The following RPN2 variants were observed in gnomAD, a reference collection of about 807,000 sequenced individuals.
RPN2 encodes the protein ribophorin II.
Under a neutral mutation model 71.4 loss-of-function variants are expected in RPN2, and 29 were observed. That is an observed-to-expected ratio of 0.41 (90% CI 0.30 to 0.55). The LOEUF (loss-of-function observed/expected upper bound fraction) is 0.55, where lower values mean the gene tolerates loss of function less well. Among genes scored for constraint, RPN2 ranks in the 20% least tolerant of loss-of-function variants. The probability of loss-of-function intolerance (pLI) is 0.35; values close to 1 mark genes in which losing one functional copy is unlikely to be tolerated. For missense variants in RPN2, 726 were observed against 774.1 expected, an observed-to-expected ratio of 0.94 and a Z score of 0.74; for synonymous variants, 308 against 305.0, an observed-to-expected ratio of 1.01 and a Z score of -0.10.
intron 8 of RPN2, among the ~76,000 whole-genome samples, chr20:37,212,451 A>G (rs1271388321): frequency 4.0e-5 from 6 of 151,582 alleles, no homozygotes; most frequent in East Asian, 3.9e-4. Flanking sequence ...CAATTTTTAT[A>G]TGAATTAGTG....
chr20:37,231,800 G>T (rs909871), intron 13 of RPN2, among the ~76,000 whole-genome samples: 111,914 of 151,402 alleles, frequency 0.74, 41,828 homozygotes, highest in Middle Eastern at 0.85. Flanking sequence ...TGAATTATGG[G>T]TGGAAAGATC....
chr20:37,182,234 C>T (rs756903021), intron 1 of RPN2, among the ~76,000 whole-genome samples: 5 of 152,060 alleles, frequency 3.3e-5, no homozygotes, highest in Non-Finnish European at 7.4e-5. Context: ...GTTTGGATTA[C>T]AGGCACCCAC....
rs772037889 is a variant in RPN2 at position 37,234,111 on chromosome 20, T to C, written c.1753+16T>C. On this transcript the variant is annotated intron_variant, in intron 15 of 16. Coordinates refer to ENST00000237530, the MANE Select transcript of RPN2 (RefSeq NM_002951.5). ...GGACATGCTGGTAAGTGCCCCAGGC[T>C]GCTAATTACCTGTAACGTCCTCTGA... 3.1e-6 allele frequency: 5 copies of C among 1,613,552 alleles called. No homozygotes were observed. In the East Asian group the frequency reaches 1.1e-4, roughly 36 times the overall value.
At chr20:37,200,375 A>G in intron 4 of RPN2, 1 of 493,056 alleles carries the variant, frequency 2.0e-6, no homozygotes, top group Non-Finnish European at 4.1e-6. Context: ...TTTAACACTT[A>G]AACTGCTCCT....
chr20:37,188,060 C>T (rs117730137), intron 2 of RPN2, among the ~76,000 whole-genome samples: 2,229 of 152,176 alleles, frequency 0.015, 30 homozygotes, highest in Non-Finnish European at 0.021. Context: ...TAATTTCTCA[C>T]GGTATATCTT....
intron 10 of RPN2, 32 bp downstream of exon 10, chr20:37,224,001 G>C: frequency 6.3e-7 from 1 of 1,580,872 alleles, no homozygotes; most frequent in South Asian, 1.1e-5. Context: ...CACTCAGGGA[G>C]CTGAGGCTCA....
Position 37,225,600 on chromosome 20 carries a change from G to A in RPN2, c.1185-88G>A, listed in dbSNP as rs188197456. On this transcript the variant is annotated intron_variant, in intron 10 of 16. Coordinates refer to ENST00000237530, the MANE Select transcript of RPN2 (RefSeq NM_002951.5). ...AGTGTTACTATGGGAGAGGGTGGTT[G>A]AGGCAATGAAGTGAAGTATATATTT... 300 of 861,364 alleles carry A rather than the reference G, an allele frequency of 3.5e-4. No individual in the cohort carries two copies. The African/African-American group carries it at 4.6e-3, about 13-fold the overall frequency. The allele number at this position is 861,364 out of a possible 1,614,324, so 53.4% of individuals were successfully genotyped here.
intron 2 of RPN2, among the ~76,000 whole-genome samples, chr20:37,188,585 C>T (rs1326802227): frequency 6.7e-6 from 1 of 148,818 alleles, no homozygotes; most frequent in Non-Finnish European, 1.5e-5. Context: ...ATATTTAATT[C>T]TGTCAAGGGC....
chr20:37,223,634 T>C (rs2068010070), intron 9 of RPN2, among the ~76,000 whole-genome samples: 1 of 114,250 alleles, frequency 8.8e-6, no homozygotes, highest in Non-Finnish European at 1.7e-5. Flanking sequence ...TTTTTCTTCT[T>C]CTTTTTTTTT....
rs2068548233 is a variant in RPN2, at chr20:37,241,430, G to A, written c.*115G>A. On this transcript the variant is annotated 3_prime_UTR_variant, in exon 17 of 17. Transcript: ENST00000237530. The stretch of plus-strand genomic sequence containing the variant: ...AAAACTTTATTTAAAAAAGAAAAAA[G>A]TCCAGATTGTAGTTATACTTTTGCT... 2 of 1,264,568 alleles carry A rather than the reference G, an allele frequency of 1.6e-6. No homozygotes were observed. The highest frequency in any genetic ancestry group is 1.1e-6 in the Non-Finnish European group (1 of 899,330). The allele number at this position is 1,264,568 out of a possible 1,614,324, so 78.3% of individuals were successfully genotyped here.
At position 37,241,445 on chromosome 20, in the gene RPN2, A is replaced by G. The variant is rs200844150; in HGVS notation, c.*130A>G. 6.7e-4 allele frequency: 754 copies of G among 1,130,248 alleles called. 5 individuals carry two copies. The highest frequency in any genetic ancestry group is 3.7e-3 in the South Asian group (253 of 69,178). The allele number at this position is 1,130,248 out of a possible 1,614,324, so 70.0% of individuals were successfully genotyped here. A position where few individuals can be genotyped will look rare whatever the true frequency, so the allele number is the denominator to read the frequency against. On this transcript the variant is annotated 3_prime_UTR_variant, in exon 17 of 17. Coordinates refer to ENST00000237530, the MANE Select transcript of RPN2 (RefSeq NM_002951.5). Reference sequence around the variant, plus strand: ...AAAGAAAAAAGTCCAGATTGTAGTTATACTTTTGCTTGTTTTTCAGTTTCC... The same window carrying G: ...AAAGAAAAAAGTCCAGATTGTAGTTGTACTTTTGCTTGTTTTTCAGTTTCC...
chr20:37,234,242 A>C, intron 15 of RPN2, 147 bp downstream of exon 15: 1 of 819,344 alleles, frequency 1.2e-6, no homozygotes, highest in Non-Finnish European at 2.0e-6. Flanking sequence ...CTTTTAGGAC[A>C]GTTAATACGA....
intron 2 of RPN2, among the ~76,000 whole-genome samples, chr20:37,192,725 T>G (rs935844060): frequency 1.3e-5 from 2 of 152,114 alleles, no homozygotes; most frequent in African/African-American, 4.8e-5. Flanking sequence ...CAATGGTAAG[T>G]TTTATGAAGG....
At chr20:37,227,350 AT>A (rs1404936306) in intron 11 of RPN2, among the ~76,000 whole-genome samples, 1 of 152,260 alleles carries the variant, frequency 6.6e-6, no homozygotes, top group Non-Finnish European at 1.5e-5. Flanking sequence ...TACTTGTCTC[AT>A]CCAGAATTCT....
chr20:37,238,529 C>G lies in RPN2; in HGVS notation c.1883+1820C>G, dbSNP rs915940497. The G allele has an allele frequency of 2.9e-6, 3 of 1,031,950 alleles. No homozygotes were observed. In the African/African-American group the frequency reaches 4.7e-5, roughly 16 times the overall value. The allele number at this position is 1,031,950 out of a possible 1,614,324, so 63.9% of individuals were successfully genotyped here. A position where few individuals can be genotyped will look rare whatever the true frequency, so the allele number is the denominator to read the frequency against. ...CGCCTCATGCATGTCAGTTATCTCT[C>G]TAGTTTTCAGCCCACTTGCTCCTCC... On this transcript the variant is annotated intron_variant, in intron 16 of 16. Coordinates refer to ENST00000237530, the MANE Select transcript of RPN2 (RefSeq NM_002951.5).
At chr20:37,234,450 C>A (rs1188608307) in intron 15 of RPN2, among the ~76,000 whole-genome samples, 1 of 152,182 alleles carries the variant, frequency 6.6e-6, no homozygotes, top group African/African-American at 2.4e-5. Flanking sequence ...GTTATCTTTC[C>A]CCACGCTATC....
In RPN2 at chr20:37,223,603, G is replaced by T. The variant is rs146277498; in HGVS notation, c.1093-275G>T. 6.8e-3 allele frequency among the ~76,000 whole-genome samples: 1,030 copies of T among 150,960 alleles called. 9 individuals are homozygous for T. The highest frequency in any genetic ancestry group is 0.011 in the Non-Finnish European group (752 of 67,856). On this transcript the variant is annotated intron_variant, in intron 9 of 16. Transcript: ENST00000237530. ...ATTTATTTTAAAGGACACATGAAAA[G>T]ATTTACTTTTTTTCTTTTCCTTTTT...
At chr20:37,187,291 A>C (rs1195365571) in intron 2 of RPN2, among the ~76,000 whole-genome samples, 151 of 9,954 alleles carry the variant, frequency 0.015, 61 homozygotes, top group African/African-American at 0.052. Context: ...TCACGAGGTC[A>C]GGAGATCGAG....
intron 15 of RPN2, among the ~76,000 whole-genome samples, chr20:37,235,554 C>T (rs1041444007): frequency 6.6e-6 from 1 of 152,174 alleles, no homozygotes; most frequent in African/African-American, 2.4e-5. Context: ...CTCCTTGCTC[C>T]CTTCCTAGTC....
Sources: allele counts gnomAD v4.1 joint callset (sites outside exome capture counted in the v4.1 genomes callset), GRCh38; gene constraint gnomAD v4.1.1; transcripts MANE v1.5; gene names NCBI Gene and HGNC (gene_info 2026-07-23, HGNC 2026-07-21).